GRM8: variants seen among roughly 807,000 people sequenced by gnomAD.
GRM8 encodes metabotropic glutamate receptor 8.
In GRM8, 47 loss-of-function variants were observed where a neutral mutation model predicts 87.2. That is an observed-to-expected ratio of 0.54 (90% CI 0.43 to 0.69). GRM8 has a LOEUF of 0.69. GRM8 is among the 30% of genes least tolerant of loss of function. The pLI is 0.00. For synonymous variants in GRM8, 396 were observed against 404.5 expected (o/e 0.98, Z 0.25); for missense variants, 1,019 against 1,139.2 (o/e 0.89, Z 1.52).
rs544448441 is a variant in GRM8, at chr7:127,196,983, A to G, written c.510+45712T>C. Reference sequence around the variant, plus strand: ...AACTTCGGGCTCAAGCAATCATCCCATCTCAGCCTCTCAAGCAGCTGGGAT... The same window carrying G: ...AACTTCGGGCTCAAGCAATCATCCCGTCTCAGCCTCTCAAGCAGCTGGGAT... On this transcript the variant is annotated intron_variant, in intron 2 of 10. Transcript: ENST00000339582. Among the ~76,000 whole-genome samples, 8 of 152,260 alleles carry G rather than the reference A, an allele frequency of 5.3e-5. No individual in the cohort carries two copies. The South Asian group carries it at 1.7e-3, about 32-fold the overall frequency.
At chr7:126,630,820 A>C (rs1386377210) in intron 7 of GRM8, among the ~76,000 whole-genome samples, 1 of 152,176 alleles carries the variant, frequency 6.6e-6, no homozygotes, top group African/African-American at 2.4e-5. Context: ...GCCTTTGATA[A>C]AATTCAACAT....
intron 3 of GRM8, among the ~76,000 whole-genome samples, chr7:126,954,283 T>A (rs1675402015): frequency 6.6e-6 from 1 of 152,148 alleles, no homozygotes; most frequent in Admixed American, 6.5e-5. Flanking sequence ...AAATCTCACT[T>A]TATTGCCAGT....
chr7:126,785,241 G>A (rs993324962), intron 6 of GRM8, among the ~76,000 whole-genome samples: 10 of 152,256 alleles, frequency 6.6e-5, no homozygotes, highest in African/African-American at 1.7e-4. Flanking sequence ...AATACTTTTA[G>A]GAACAAGACA....
Position 126,814,661 on chromosome 7 carries a change from T to C in GRM8, c.1157-44596A>G, listed in dbSNP as rs190158783. Among the ~76,000 whole-genome samples the C allele has an allele frequency of 5.3e-5, 8 of 152,056 alleles. No individual in the cohort carries two copies. The East Asian group carries it at 7.8e-4, about 15-fold the overall frequency. On this transcript the variant is annotated intron_variant, in intron 6 of 10. Coordinates refer to ENST00000339582, the MANE Select transcript of GRM8 (RefSeq NM_000845.3). Reference sequence around the variant, plus strand: ...CTGTTACCACTCTCCTTATTTTCCATAGAGCTCTGATTGTCATCCACTAAT... The same window carrying C: ...CTGTTACCACTCTCCTTATTTTCCACAGAGCTCTGATTGTCATCCACTAAT...
intron 7 of GRM8, among the ~76,000 whole-genome samples, chr7:126,678,211 ATTTACGC>A (rs1807194573): frequency 1.3e-5 from 2 of 152,202 alleles, no homozygotes; most frequent in African/African-American, 4.8e-5. Flanking sequence ...GAAGGTTAGG[ATTTACGC>A]AGATCTAAAA....
intron 2 of GRM8, among the ~76,000 whole-genome samples, chr7:127,213,275 C>T (rs780218680): frequency 2.0e-4 from 31 of 152,148 alleles, no homozygotes; most frequent in Non-Finnish European, 2.8e-4. Flanking sequence ...TTATGGTAGC[C>T]ACTAGCCATA....
intron 9 of GRM8, among the ~76,000 whole-genome samples, chr7:126,459,371 A>C (rs1036365085): frequency 7.4e-5 from 7 of 95,000 alleles, no homozygotes; most frequent in Non-Finnish European, 8.4e-5. Context: ...CCTGAGAGAG[A>C]GCCAGCCATG....
chr7:126,974,424 A>G (rs1810741169), intron 3 of GRM8, among the ~76,000 whole-genome samples: 1 of 152,004 alleles, frequency 6.6e-6, no homozygotes, highest in African/African-American at 2.4e-5. Flanking sequence ...TACTGTCTAC[A>G]TGTATCCCAT....
At chr7:126,870,125 A>C (rs914766852) in intron 6 of GRM8, 3 of 152,100 alleles carry the variant, frequency 2.0e-5, no homozygotes, top group Admixed American at 6.6e-5. Flanking sequence ...TCTTTACTTA[A>C]ACCTCACGAA....
At chr7:127,195,392 A>T (rs964778291) in intron 2 of GRM8, among the ~76,000 whole-genome samples, 2 of 152,168 alleles carry the variant, frequency 1.3e-5, no homozygotes, top group African/African-American at 2.4e-5. Context: ...GGACGGGGGA[A>T]AATCTTAACT....
chr7:126,885,609 G>GT (rs907745572), intron 6 of GRM8, among the ~76,000 whole-genome samples: 1 of 152,112 alleles, frequency 6.6e-6, no homozygotes, highest in African/African-American at 2.4e-5. Context: ...ATCTATTCTT[G>GT]TTTTTTGTAG....
intron 3 of GRM8, among the ~76,000 whole-genome samples, chr7:126,969,827 T>C (rs556054065): frequency 1.3e-5 from 2 of 152,176 alleles, no homozygotes; most frequent in African/African-American, 2.4e-5. Flanking sequence ...CTTAAAAAAA[T>C]GTATTTCCTA....
chr7:127,181,713 T>A (rs1457481862), intron 2 of GRM8, among the ~76,000 whole-genome samples: 1 of 151,996 alleles, frequency 6.6e-6, no homozygotes, highest in Non-Finnish European at 1.5e-5. Context: ...CCAACTGATC[T>A]TCAACAAAGT....
At chr7:127,133,911 G>T (rs1458857656) in intron 2 of GRM8, among the ~76,000 whole-genome samples, 1 of 152,092 alleles carries the variant, frequency 6.6e-6, no homozygotes, top group Non-Finnish European at 1.5e-5. Context: ...GCCAAGAAAA[G>T]TATATTTATT....
chr7:126,892,952 T>C (rs919048865), intron 6 of GRM8, among the ~76,000 whole-genome samples: 6 of 152,072 alleles, frequency 3.9e-5, no homozygotes, highest in African/African-American at 1.4e-4. Flanking sequence ...GAAGTGTCTG[T>C]TCAAACAAAT....
intron 7 of GRM8, among the ~76,000 whole-genome samples, chr7:126,645,004 T>C (rs1375669201): frequency 2.0e-5 from 3 of 152,240 alleles, no homozygotes; most frequent in East Asian, 1.9e-4. Context: ...ACCTCTGAGG[T>C]GTCCTTGGTC....
At chr7:126,960,738 T>G (rs1239289669) in intron 3 of GRM8, among the ~76,000 whole-genome samples, 3 of 152,212 alleles carry the variant, frequency 2.0e-5, no homozygotes. Flanking sequence ...ATGCAAATGG[T>G]ATTGGACTAT....
At chr7:126,718,068 T>TAA (rs907370678) in intron 7 of GRM8, among the ~76,000 whole-genome samples, 1 of 148,068 alleles carries the variant, frequency 6.8e-6, no homozygotes, top group African/African-American at 2.5e-5. Context: ...CCGTCTCTAC[T>TAA]AAAAAAAAAA....
chr7:126,685,813 A>AGAAGGGG lies in GRM8; in HGVS notation c.1358-76322_1358-76316dup. ...ACAGGCGGCAGACAGGCTCCTGGGC[A>AGAAGGGG]GAAGGGGGAAGGTCCTCAGTGATGC... On this transcript the variant is annotated intron_variant, in intron 7 of 10. Coordinates refer to ENST00000339582, the MANE Select transcript of GRM8 (RefSeq NM_000845.3). The surrounding 1 kb of genome is among the most constrained non-coding windows in gnomAD (Gnocchi z 4.2). Among the ~76,000 whole-genome samples, 2 of 152,176 alleles carry AGAAGGGG rather than the reference A, an allele frequency of 1.3e-5. No individual in the cohort carries two copies. Among genetic ancestry groups the AGAAGGGG allele is most frequent in the South Asian group, 4.1e-4 (2 of 4,824 alleles).
Sources: allele counts gnomAD v4.1 joint callset (sites outside exome capture counted in the v4.1 genomes callset), GRCh38; gene constraint gnomAD v4.1.1; non-coding constraint Gnocchi (gnomAD v3.1); transcripts MANE v1.5; gene names NCBI Gene and HGNC (gene_info 2026-07-23, HGNC 2026-07-21).